The following RNF113A variants were observed in gnomAD, a reference collection of about 807,000 sequenced individuals.
The protein encoded by RNF113A is E3 ubiquitin-protein ligase RNF113A.
For missense variants in RNF113A, 180 were observed against 285.4 expected, an observed-to-expected ratio of 0.63 and a Z score of 2.66; for synonymous variants, 80 against 110.5, an observed-to-expected ratio of 0.72 and a Z score of 1.73.
In RNF113A at chrX:119,870,608, C is replaced by T. The variant is rs142871346; in HGVS notation, c.1006G>A (p.Asp336Asn). The T allele has an allele frequency of 8.9e-3, 10,762 of 1,204,870 alleles. 34 individuals are homozygous for T. The highest frequency in any genetic ancestry group is 0.01 in the Non-Finnish European group (9,174 of 892,183). Residue 336 changes from aspartate (D) to asparagine (N), a missense_variant, in exon 1 of 1, where the codon GAT becomes AAT. By Grantham distance (23) the Asp-to-Asn change is conservative. Transcript: ENST00000371442. ...GGASDLPEDPDEDAIPIT is the reference protein window; with the variant it reads ...GGASDLPEDPNEDAIPIT ...TAAGTAATGGGAATTGCATCCTCAT[C>T]GGGGTCTTCTGGCAAGTCGGAAGCA...
chrX:119,870,614 C>A lies in RNF113A; in HGVS notation c.1000G>T (p.Asp334Tyr). 1 of 1,209,030 alleles carries A rather than the reference C, an allele frequency of 8.3e-7. No homozygotes were observed. ...GEGGASDLPE[D>Y]PDEDAIPIT ...ATGGGAATTGCATCCTCATCGGGGTCTTCTGGCAAGTCGGAAGCACCACCC... is the reference window on the plus strand; with the variant it reads ...ATGGGAATTGCATCCTCATCGGGGTATTCTGGCAAGTCGGAAGCACCACCC... Residue 334 changes from aspartate (D) to tyrosine (Y), a missense_variant, in exon 1 of 1, where the codon GAC becomes TAC. Coordinates refer to ENST00000371442, the MANE Select transcript of RNF113A (RefSeq NM_006978.3).
Position 119,870,479 on chromosome X carries a change from AC to A in RNF113A, c.*102del. On this transcript the variant is annotated 3_prime_UTR_variant, in exon 1 of 1. Transcript: ENST00000371442. ...AGCTTTTAATCCAGGACCCTACTTC[AC>A]CACCCGCCTGCTCTGTCACTTTCTC... 8 of 835,851 alleles carry A rather than the reference AC, an allele frequency of 9.6e-6. No homozygotes were observed. Among genetic ancestry groups the A allele is most frequent in the Non-Finnish European group, 1.3e-5 (8 of 594,141 alleles). The allele number at this position is 835,851 out of a possible 1,213,427, so 68.9% of individuals were successfully genotyped here.
In RNF113A at chrX:119,870,502, T is replaced by C; in HGVS notation, c.*80A>G. 2 of 984,703 alleles carry C rather than the reference T, an allele frequency of 2.0e-6. No individual in the cohort carries two copies. The highest frequency in any genetic ancestry group is 2.8e-6 in the Non-Finnish European group (2 of 723,984). The allele number at this position is 984,703 out of a possible 1,213,427, so 81.2% of individuals were successfully genotyped here. A position where few individuals can be genotyped will look rare whatever the true frequency, so the allele number is the denominator to read the frequency against. On this transcript the variant is annotated 3_prime_UTR_variant, in exon 1 of 1. Coordinates refer to ENST00000371442, the MANE Select transcript of RNF113A (RefSeq NM_006978.3). The stretch of plus-strand genomic sequence containing the variant: ...TCACCACCCGCCTGCTCTGTCACTT[T>C]CTCTACAAAGGAAGGACACGAAGTA...
In RNF113A at chrX:119,870,693, G is replaced by C. The variant is rs754651617; in HGVS notation, c.921C>G (p.Phe307Leu). The C allele has an allele frequency of 1.7e-6, 2 of 1,211,798 alleles. No individual in the cohort carries two copies. Among genetic ancestry groups the C allele is most frequent in the African/African-American group, 3.5e-5 (2 of 57,781 alleles). The stretch of plus-strand genomic sequence containing the variant: ...TAGCAATCAATTCTTTCGCTGGATT[G>C]AAGACGCCATTGGTCTGCTGGTCAC... ...YVCDQQTNGV[F>L]NPAKELIAKL... The change falls in exon 1 of 1, where the codon TTC becomes TTG. Residue 307 changes from phenylalanine (F) to leucine (L), a missense_variant. By Grantham distance (22) the Phe-to-Leu change is conservative (BLOSUM62 0). Coordinates refer to ENST00000371442, the MANE Select transcript of RNF113A (RefSeq NM_006978.3).
At position 119,871,601 on chromosome X, in the gene RNF113A, G is replaced by T. The variant is rs2056411383; in HGVS notation, c.13C>A (p.Leu5Ile). 1 of 1,188,793 alleles carries T rather than the reference G, an allele frequency of 8.4e-7. No homozygotes were observed. The highest frequency in any genetic ancestry group is 1.1e-6 in the Non-Finnish European group (1 of 884,721). ...TGATCCACCGCCTTTCCTGGAGAAA[G>T]CTGCTCTGCCATTTTAGAGTCCTGA... MAEQ[L>I]SPGKAVDQVC... Residue 5 changes from leucine to isoleucine, a missense_variant, in exon 1 of 1, where the codon CTT becomes ATT. Coordinates refer to ENST00000371442, the MANE Select transcript of RNF113A (RefSeq NM_006978.3).
chrX:119,871,016 C>T lies in RNF113A; in HGVS notation c.598G>A (p.Asp200Asn). The stretch of plus-strand genomic sequence containing the variant: ...GTCTCTTTGTAGTCCTTACAGATGT[C>T]GGGCTGGTAATCCCAGCGCACGGTG... Reference protein sequence around the residue: ...RATVRWDYQPDICKDYKETGF... With the variant: ...RATVRWDYQPNICKDYKETGF... The change falls in exon 1 of 1, where the codon GAC becomes AAC. Residue 200 changes from aspartate to asparagine, a missense_variant. By Grantham distance (23) the Asp-to-Asn change is conservative (BLOSUM62 1). Transcript: ENST00000371442. 1 of 1,211,748 alleles carries T rather than the reference C, an allele frequency of 8.3e-7. No homozygotes were observed. The highest frequency in any genetic ancestry group is 1.1e-6 in the Non-Finnish European group (1 of 895,556).
At position 119,871,078 on chromosome X, in the gene RNF113A, C is replaced by T. The variant is rs1185187710; in HGVS notation, c.536G>A (p.Arg179Lys). The T allele has an allele frequency of 2.5e-6, 3 of 1,209,702 alleles. No individual in the cohort carries two copies. Among genetic ancestry groups the T allele is most frequent in the Non-Finnish European group, 3.4e-6 (3 of 895,260 alleles). ...SMGNASSGMV[R>K]KGPIRAPEHL... Reference sequence around the variant, plus strand: ...CTCGGGCGCTCGGATGGGGCCCTTCCTCACCATCCCGGAAGAGGCATTGCC... The same window carrying T: ...CTCGGGCGCTCGGATGGGGCCCTTCTTCACCATCCCGGAAGAGGCATTGCC... Residue 179 changes from arginine to lysine, a missense_variant, in exon 1 of 1, where the codon AGG becomes AAG. Arg to Lys is a conservative substitution (Grantham distance 26, BLOSUM62 2). Transcript: ENST00000371442.
At position 119,870,521 on chromosome X, in the gene RNF113A, C is replaced by T. The variant is rs2056405242; in HGVS notation, c.*61G>A. On this transcript the variant is annotated 3_prime_UTR_variant, in exon 1 of 1. Coordinates refer to ENST00000371442, the MANE Select transcript of RNF113A (RefSeq NM_006978.3). ...TCACTTTCTCTACAAAGGAAGGACACGAAGTAAGACTTCCAAAAGAACAAA... is the reference window on the plus strand; with the variant it reads ...TCACTTTCTCTACAAAGGAAGGACATGAAGTAAGACTTCCAAAAGAACAAA... 9.5e-7 allele frequency: 1 copy of T among 1,056,679 alleles called. No individual in the cohort carries two copies. The highest frequency in any genetic ancestry group is 1.3e-6 in the Non-Finnish European group (1 of 785,032). 87.1% of individuals were successfully genotyped at this position (1,056,679 alleles called of 1,213,427 possible).
In RNF113A at chrX:119,871,239, C is replaced by G. The variant is rs145228372; in HGVS notation, c.375G>C (p.Glu125Asp). 3.3e-6 allele frequency: 4 copies of G among 1,209,959 alleles called. No homozygotes were observed. The highest frequency in any genetic ancestry group is 4.5e-6 in the Non-Finnish European group (4 of 895,376). ...AGATGGCTTGTGCATCGCGCTCTTT[C>G]TCTGTGTCCAGCTCATAGACAGCTG... is the stretch of plus-strand genomic sequence containing the variant. The part of the protein sequence containing the change: ...GATAVYELDT[E>D]KERDAQAIFE... The change falls in exon 1 of 1, where the codon GAG becomes GAC. Residue 125 changes from glutamate to aspartate, a missense_variant. Transcript: ENST00000371442.
Position 119,871,312 on chromosome X carries a change from T to C in RNF113A, c.302A>G (p.Lys101Arg). 8.3e-7 allele frequency: 1 copy of C among 1,211,205 alleles called. No individual in the cohort carries two copies. Residue 101 changes from lysine to arginine, a missense_variant, in exon 1 of 1, where the codon AAA becomes AGA. Transcript: ENST00000371442. Reference sequence around the variant, plus strand: ...CACGGGTTTCGCCGAACGGGTGGATTTATAAACCACGCCGAGACTCTCGGG... The same window carrying C: ...CACGGGTTTCGCCGAACGGGTGGATCTATAAACCACGCCGAGACTCTCGGG... ...NEPESLGVVY[K>R]STRSAKPVGP...
Position 119,870,549 on chromosome X carries a change from G to A in RNF113A, c.*33C>T. On this transcript the variant is annotated 3_prime_UTR_variant, in exon 1 of 1. Transcript: ENST00000371442. ...AGTAAGACTTCCAAAAGAACAAAAC[G>A]TTTATTTTTTAAATTTAAGAATTAT... 1.8e-6 allele frequency: 2 copies of A among 1,134,493 alleles called. No homozygotes were observed. The highest frequency in any genetic ancestry group is 2.0e-5 in the South Asian group (1 of 49,169). 93.5% of individuals were successfully genotyped at this position (1,134,493 alleles called of 1,213,427 possible).
chrX:119,871,477 C>T lies in RNF113A; in HGVS notation c.137G>A (p.Ser46Asn). 8.2e-7 allele frequency: 1 copy of T among 1,212,583 alleles called. No homozygotes were observed. ...CDPEPGESGS[S>N]SDEGCTVVRP... ...AACCACAGTGCAGCCTTCGTCGCTA[C>T]TGCTGCCGCTTTCTCCGGGCTCTGG... The change falls in exon 1 of 1, where the codon AGT (serine) becomes AAT (asparagine). Residue 46 changes from serine (S) to asparagine (N), a missense_variant. By Grantham distance (46) the Ser-to-Asn change is conservative. Coordinates refer to ENST00000371442, the MANE Select transcript of RNF113A (RefSeq NM_006978.3).
rs1444466598 is a variant in RNF113A at position 119,871,707 on chromosome X, A to G, written c.-94T>C. 3.0e-6 allele frequency: 3 copies of G among 985,368 alleles called. No homozygotes were observed. The highest frequency in any genetic ancestry group is 3.8e-5 in the African/African-American group (2 of 52,117). The allele number at this position is 985,368 out of a possible 1,213,427, so 81.2% of individuals were successfully genotyped here. On this transcript the variant is annotated 5_prime_UTR_variant, in exon 1 of 1. Coordinates refer to ENST00000371442, the MANE Select transcript of RNF113A (RefSeq NM_006978.3). Reference sequence around the variant, plus strand: ...CGTTGCGCGCTCCGCCGGGAGTCGAAGCAAAAGACACTGACGGAAGAGGAC... The same window carrying G: ...CGTTGCGCGCTCCGCCGGGAGTCGAGGCAAAAGACACTGACGGAAGAGGAC...
At position 119,870,641 on chromosome X, in the gene RNF113A, CTCCTGT is replaced by C. The variant is rs770544154; in HGVS notation, c.967_972del (p.Thr323_Gly324del). The C allele has an allele frequency of 4.1e-6, 5 of 1,209,991 alleles. No individual in the cohort carries two copies. In the African/African-American group the frequency reaches 8.7e-5, roughly 21 times the overall value. On this transcript the variant is annotated inframe_deletion, in exon 1 of 1. Coordinates refer to ENST00000371442, the MANE Select transcript of RNF113A (RefSeq NM_006978.3). ...TCTGGCAAGTCGGAAGCACCACCCT[CTCCTGT>C]AGCTCGATGCTTCTCTAGTTTAGCA...
At position 119,871,340 on chromosome X, in the gene RNF113A, C is replaced by T; in HGVS notation, c.274G>A (p.Glu92Lys). The T allele has an allele frequency of 8.3e-7, 1 of 1,211,785 alleles. No homozygotes were observed. Among genetic ancestry groups the T allele is most frequent in the South Asian group, 1.8e-5 (1 of 57,009 alleles). ...DLSSEEEEEN[E>K]PESLGVVYKS... Reference sequence around the variant, plus strand: ...TAAACCACGCCGAGACTCTCGGGCTCATTTTCCTCTTCCTCTTCGCTGCTC... The same window carrying T: ...TAAACCACGCCGAGACTCTCGGGCTTATTTTCCTCTTCCTCTTCGCTGCTC... The change falls in exon 1 of 1, where the codon GAG (glutamate) becomes AAG (lysine). Residue 92 changes from glutamate (E) to lysine (K), a missense_variant. Physicochemically the swap from Glu to Lys is moderately conservative, Grantham distance 56 (BLOSUM62 1). Transcript: ENST00000371442.
At position 119,870,851 on chromosome X, in the gene RNF113A, C is replaced by T. The variant is rs150591502; in HGVS notation, c.763G>A (p.Asp255Asn). The T allele has an allele frequency of 1.0e-3, 1,235 of 1,209,744 alleles. No homozygotes were observed. Among genetic ancestry groups the T allele is most frequent in the Non-Finnish European group, 1.2e-3 (1,103 of 895,205 alleles). The change falls in exon 1 of 1, where the codon GAT (aspartate) becomes AAT (asparagine). Residue 255 changes from aspartate (D) to asparagine (N), a missense_variant. By Grantham distance (23) the Asp-to-Asn change is conservative (BLOSUM62 1). Transcript: ENST00000371442. Reference sequence around the variant, plus strand: ...AAACACTTGAATGGTATTTCCTCATCATCGCTTCCCACTTCATAGTTTTCA... The same window carrying T: ...AAACACTTGAATGGTATTTCCTCATTATCGCTTCCCACTTCATAGTTTTCA... ...EDENYEVGSD[D>N]EEIPFKCFIC...
chrX:119,871,724 G>A lies in RNF113A; in HGVS notation c.-111C>T. 1.1e-6 allele frequency: 1 copy of A among 930,568 alleles called. No individual in the cohort carries two copies. Among genetic ancestry groups the A allele is most frequent in the East Asian group, 3.1e-5 (1 of 31,970 alleles). 76.7% of individuals were successfully genotyped at this position (930,568 alleles called of 1,213,427 possible). On this transcript the variant is annotated 5_prime_UTR_variant, in exon 1 of 1. Transcript: ENST00000371442. ...GGAGTCGAAGCAAAAGACACTGACG[G>A]AAGAGGACTGCGAGAGCCCGAGCGC...
Position 119,870,839 on chromosome X carries a change from G to A in RNF113A, c.775C>T (p.Pro259Ser). The A allele has an allele frequency of 8.3e-7, 1 of 1,211,486 alleles. No individual in the cohort carries two copies. The highest frequency in any genetic ancestry group is 1.1e-6 in the Non-Finnish European group (1 of 895,475). Residue 259 changes from proline (P) to serine (S), a missense_variant, in exon 1 of 1, where the codon CCA (proline) becomes TCA (serine). Transcript: ENST00000371442. ...TGGCGACAGATGAAACACTTGAATG[G>A]TATTTCCTCATCATCGCTTCCCACT... ...YEVGSDDEEI[P>S]FKCFICRQSF...
chrX:119,871,244 T>A lies in RNF113A; in HGVS notation c.370A>T (p.Thr124Ser). The change falls in exon 1 of 1, where the codon ACA (threonine) becomes TCA (serine). Residue 124 changes from threonine to serine, a missense_variant. Transcript: ENST00000371442. Reference sequence around the variant, plus strand: ...GCTTGTGCATCGCGCTCTTTCTCTGTGTCCAGCTCATAGACAGCTGTCGCT... The same window carrying A: ...GCTTGTGCATCGCGCTCTTTCTCTGAGTCCAGCTCATAGACAGCTGTCGCT... Reference protein sequence around the residue: ...MGATAVYELDTEKERDAQAIF... With the variant: ...MGATAVYELDSEKERDAQAIF... 8.3e-7 allele frequency: 1 copy of A among 1,211,842 alleles called. No homozygotes were observed.
Sources: gnomAD v4.1 joint callset for allele counts on GRCh38, gnomAD v4.1.1 for gene constraint, MANE v1.5 for transcripts, NCBI Gene and HGNC (gene_info 2026-07-23, HGNC 2026-07-21) for gene names.